WAPL: variants seen among roughly 807,000 people sequenced by gnomAD.
WAPL encodes WAPL cohesin release factor, also known as wings apart-like protein homolog.
WAPL carries 5 observed loss-of-function variants against 121.0 expected under a neutral mutation model. The ratio of observed to expected loss-of-function variants is 0.04; its 90% CI spans 0.02 to 0.09. The LOEUF is 0.09. Among genes scored for constraint, WAPL ranks in the 10% least tolerant of loss-of-function variants. WAPL has a pLI of 1.00. For missense variants in WAPL, 999 were observed against 1,410.8 expected, an observed-to-expected ratio of 0.71 and a Z score of 4.68; for synonymous variants, 480 against 481.5, an observed-to-expected ratio of 1.00 and a Z score of 0.04.
chr10:86,449,039 CT>C (rs148178520), intron 15 of WAPL, among the ~76,000 whole-genome samples: 2,849 of 152,242 alleles, frequency 0.019, 98 homozygotes, highest in African/African-American at 0.064. Context: ...CTGGATCTGA[CT>C]TTTTTTCCCC....
At position 86,444,997 on chromosome 10, in the gene WAPL, G is replaced by C. The variant is rs544714851; in HGVS notation, c.3322+1245C>G. The stretch of plus-strand genomic sequence containing the variant: ...ACTAATGGTGATCAGATTTGGGGAG[G>C]AGTGGGAGTAACAGGAGAAAAGGCT... On this transcript the variant is annotated intron_variant, in intron 16 of 18. Coordinates refer to ENST00000298767, the MANE Select transcript of WAPL (RefSeq NM_015045.5). Among the ~76,000 whole-genome samples, 5 of 151,998 alleles carry C rather than the reference G, an allele frequency of 3.3e-5. No individual in the cohort carries two copies. In the South Asian group the frequency reaches 1.0e-3, roughly 32 times the overall value.
At chr10:86,505,283 A>C (rs978558476) in intron 2 of WAPL, among the ~76,000 whole-genome samples, 3 of 133,162 alleles carry the variant, frequency 2.3e-5, no homozygotes, top group African/African-American at 8.2e-5. Context: ...TACAAGCTTC[A>C]GCCACAGTGC....
intron 2 of WAPL, among the ~76,000 whole-genome samples, chr10:86,508,060 A>T (rs565843233): frequency 2.0e-5 from 3 of 152,266 alleles, no homozygotes; most frequent in Non-Finnish European, 4.4e-5. Flanking sequence ...GGAGGAAAAA[A>T]ACATACACAC....
intron 2 of WAPL, among the ~76,000 whole-genome samples, chr10:86,509,702 C>T (rs547067340): frequency 1.3e-5 from 2 of 152,098 alleles, no homozygotes; most frequent in African/African-American, 2.4e-5. Context: ...AGTACTACTT[C>T]CTAAAGGCAC....
intron 7 of WAPL, among the ~76,000 whole-genome samples, chr10:86,471,885 T>C (rs1215328447): frequency 2.0e-5 from 3 of 152,120 alleles, no homozygotes; most frequent in African/African-American, 7.2e-5. Context: ...TCCTCCCAAC[T>C]TGGCTTCCCA....
At chr10:86,517,470 T>C (rs1433294392) in intron 2 of WAPL, 101 bp downstream of exon 2, 25 of 1,423,494 alleles carry the variant, frequency 1.8e-5, no homozygotes, top group Non-Finnish European at 2.2e-5. Flanking sequence ...GTATCATAAG[T>C]GCAGAAAGAA....
At chr10:86,482,363 A>ATG (rs1234494000) in intron 4 of WAPL, among the ~76,000 whole-genome samples, 1 of 152,240 alleles carries the variant, frequency 6.6e-6, no homozygotes, top group Non-Finnish European at 1.5e-5. Flanking sequence ...CCACATATAT[A>ATG]TGTGAAGGTA....
intron 4 of WAPL, among the ~76,000 whole-genome samples, chr10:86,494,711 T>C (rs1203316634): frequency 3.9e-5 from 6 of 152,342 alleles, no homozygotes; most frequent in East Asian, 1.9e-4. Flanking sequence ...TTACAAAGCA[T>C]GTATGGGTAA....
Position 86,437,906 on chromosome 10 carries a change from TA to T in WAPL, c.3507+13del. On this transcript the variant is annotated intron_variant, in intron 18 of 18. Coordinates refer to ENST00000298767, the MANE Select transcript of WAPL (RefSeq NM_015045.5). ...AAATTTAAAATCATATAAGCTGTAA[TA>T]AAAGCTACTTACAGTGAGATTCATA... 6.4e-7 allele frequency: 1 copy of T among 1,561,508 alleles called. No homozygotes were observed. Among genetic ancestry groups the T allele is most frequent in the Non-Finnish European group, 8.8e-7 (1 of 1,133,378 alleles).
chr10:86,478,321 C>G (rs1401598328), intron 4 of WAPL, among the ~76,000 whole-genome samples: 1 of 151,776 alleles, frequency 6.6e-6, no homozygotes, highest in Non-Finnish European at 1.5e-5. Flanking sequence ...CCCAGCTACT[C>G]GAGACGCTGA....
At position 86,499,846 on chromosome 10, in the gene WAPL, T is replaced by C; in HGVS notation, c.1397A>G (p.Asp466Gly). 6.2e-7 allele frequency: 1 copy of C among 1,614,078 alleles called. No individual in the cohort carries two copies. Among genetic ancestry groups the C allele is most frequent in the Non-Finnish European group, 8.5e-7 (1 of 1,180,000 alleles). ...DDLSESEDDEDDDCQVERKTS... is the reference protein window; with the variant it reads ...DDLSESEDDEGDDCQVERKTS... ...CTTTCTTTCTACTTGACAGTCATCA[T>C]CTTCATCATCTTCGCTTTCACTGAG... The change falls in exon 3 of 19, where the codon GAT becomes GGT. Residue 466 changes from aspartate to glycine, a missense_variant. Physicochemically the swap from Asp to Gly is moderately conservative, Grantham distance 94. Around this residue, in one of 7 missense-constraint regions of WAPL, gnomAD observed 531 missense variants for 563.1 expected, o/e 0.94. Coordinates refer to ENST00000298767, the MANE Select transcript of WAPL (RefSeq NM_015045.5).
intron 4 of WAPL, among the ~76,000 whole-genome samples, chr10:86,479,833 G>C (rs1357210524): frequency 6.6e-6 from 1 of 152,024 alleles, no homozygotes; most frequent in African/African-American, 2.4e-5. Flanking sequence ...AAAACAATTT[G>C]GATCTGGATT....
In WAPL at chr10:86,500,367, G is replaced by A. The variant is rs1324067004; in HGVS notation, c.876C>T (p.Asn292=). ...DIVQSVLRPT[N]CRTYCRANKT... ...TATTGGCCCTACAGTACGTCCTACA[G>A]TTGGTTGGCCTAAGAACACTTTGTA... Residue 292 remains asparagine, a synonymous_variant, in exon 3 of 19, where the codon AAC becomes AAT. Coordinates refer to ENST00000298767, the MANE Select transcript of WAPL (RefSeq NM_015045.5). 1.9e-6 allele frequency: 3 copies of A among 1,614,202 alleles called. No individual in the cohort carries two copies. The highest frequency in any genetic ancestry group is 8.5e-7 in the Non-Finnish European group (1 of 1,180,034).
At chr10:86,440,727 C>T (rs1849447749) in intron 17 of WAPL, among the ~76,000 whole-genome samples, 1 of 151,984 alleles carries the variant, frequency 6.6e-6, no homozygotes, top group African/African-American at 2.4e-5. Context: ...GCCTCCAGAG[C>T]CACGATGAGA....
In WAPL at chr10:86,507,134, G is replaced by A. The variant is rs543197086; in HGVS notation, c.500-6391C>T. Among the ~76,000 whole-genome samples, 344 of 150,978 alleles carry A rather than the reference G, an allele frequency of 2.3e-3. 3 individuals carry two copies. Among genetic ancestry groups the A allele is most frequent in the Non-Finnish European group, 3.7e-3 (249 of 67,752 alleles). On this transcript the variant is annotated intron_variant, in intron 2 of 18. Transcript: ENST00000298767. ...TGTAATCCCAGCACTTTGGGAGGCC[G>A]AGGCGGGCGGATCACCTGAGTTCAG...
chr10:86,513,930 G>A (rs1842511605), intron 2 of WAPL, among the ~76,000 whole-genome samples: 1 of 152,118 alleles, frequency 6.6e-6, no homozygotes, highest in South Asian at 2.1e-4. Context: ...ACCATGACCT[G>A]CAAAAGACTG....
At chr10:86,517,168 T>C (rs1473961639) in intron 2 of WAPL, among the ~76,000 whole-genome samples, 2 of 152,256 alleles carry the variant, frequency 1.3e-5, no homozygotes, top group Non-Finnish European at 2.9e-5. Context: ...GAACTAGTTT[T>C]GGCAGAGAGT....
chr10:86,446,627 A>C (rs531803706), intron 15 of WAPL, among the ~76,000 whole-genome samples, 178 bp from the exon 16 acceptor site: 1 of 152,240 alleles, frequency 6.6e-6, no homozygotes, highest in Non-Finnish European at 1.5e-5. Context: ...AGCCAAAACG[A>C]AAGTATAAAT....
chr10:86,458,618 T>C lies in WAPL; in HGVS notation c.2657+371A>G, dbSNP rs183452189. On this transcript the variant is annotated intron_variant, in intron 12 of 18. Coordinates refer to ENST00000298767, the MANE Select transcript of WAPL (RefSeq NM_015045.5). Reference sequence around the variant, plus strand: ...ATCATTTAAATTTAAATTTTTTATATGTATTTTTAATATACACATATTTTT... The same window carrying C: ...ATCATTTAAATTTAAATTTTTTATACGTATTTTTAATATACACATATTTTT... Among the ~76,000 whole-genome samples the C allele has an allele frequency of 2.8e-3, 432 of 152,276 alleles. 4 individuals carry two copies. Among genetic ancestry groups the C allele is most frequent in the Non-Finnish European group, 2.1e-3 (145 of 68,000 alleles).
Sources: gnomAD v4.1 joint callset for allele counts (sites outside exome capture counted in the v4.1 genomes callset) on GRCh38, gnomAD v4.1.1 for gene constraint, gnomAD v4.1.1 regional missense constraint, MANE v1.5 for transcripts, NCBI Gene and HGNC (gene_info 2026-07-23, HGNC 2026-07-21) for gene names.